SNX2: variants seen among roughly 807,000 people sequenced by gnomAD.
The protein encoded by SNX2 is sorting nexin-2.
A neutral mutation model predicts 69.9 loss-of-function variants in SNX2; 25 were observed. The observed-to-expected ratio is 0.36, with a 90% confidence interval of 0.26 to 0.50. The LOEUF (loss-of-function observed/expected upper bound fraction) is 0.50, where lower values mean the gene tolerates loss of function less well. SNX2 is among the 20% of genes least tolerant of loss of function. The pLI is 0.97. For missense variants in SNX2, 551 were observed against 613.3 expected (o/e 0.90, Z 1.07); for synonymous variants, 229 against 200.4 (o/e 1.14, Z -1.20).
At chr5:122,782,396 G>A (rs937077457) in intron 1 of SNX2, among the ~76,000 whole-genome samples, 2 of 151,398 alleles carry the variant, frequency 1.3e-5, no homozygotes, top group South Asian at 2.1e-4. Flanking sequence ...CTACCCCCAC[G>A]CCCAGCTAAT....
chr5:122,782,120 C>T (rs1480046519), intron 1 of SNX2, among the ~76,000 whole-genome samples: 3 of 152,222 alleles, frequency 2.0e-5, no homozygotes, highest in East Asian at 3.8e-4. Flanking sequence ...TTTAGTGTTA[C>T]CTCATCCCTT....
chr5:122,814,333 C>T (rs1420958492), intron 7 of SNX2, among the ~76,000 whole-genome samples: 1 of 152,190 alleles, frequency 6.6e-6, no homozygotes. Flanking sequence ...GTTCTTGCTG[C>T]ATCCCTTTTT....
intron 9 of SNX2, 116 bp downstream of exon 9, chr5:122,817,144 C>T: frequency 9.0e-7 from 1 of 1,116,066 alleles, no homozygotes; most frequent in Non-Finnish European, 1.3e-6. Flanking sequence ...GTTTAGTTCT[C>T]AGCCACATCA....
chr5:122,814,753 T>TTTTTTTTTGTTTTTTTTG (rs1554063742), intron 7 of SNX2, among the ~76,000 whole-genome samples: 3 of 151,010 alleles, frequency 2.0e-5, no homozygotes, highest in East Asian at 1.9e-4. Flanking sequence ...GATAGCAGGT[T>TTTTTTTTTGTTTTTTTTG]TTTTTTTGTT....
chr5:122,824,238 T>A (rs557706279), intron 11 of SNX2, among the ~76,000 whole-genome samples: 11 of 150,932 alleles, frequency 7.3e-5, no homozygotes, highest in African/African-American at 2.4e-4. Context: ...TAAAAAACAC[T>A]GATGACATTT....
intron 11 of SNX2, among the ~76,000 whole-genome samples, chr5:122,820,270 G>A (rs947731464): frequency 6.6e-6 from 1 of 152,202 alleles, no homozygotes; most frequent in Non-Finnish European, 1.5e-5. Flanking sequence ...GGGCACTGTG[G>A]CTCACGCCTG....
intron 14 of SNX2, among the ~76,000 whole-genome samples, chr5:122,829,232 T>C (rs1224702532): frequency 6.6e-6 from 1 of 151,988 alleles, no homozygotes; most frequent in Non-Finnish European, 1.5e-5. Context: ...TGAGATGGAG[T>C]CTTGCTCTGT....
In SNX2 at chr5:122,826,053, G is replaced by C. The variant is rs1409231685; in HGVS notation, c.1216G>C (p.Val406Leu). ...YIRLIAAVKG[V>L]FDHRMKCWQK... ...GCATTATGTCATTCACTTATAGGGT[G>C]TGTTTGACCATCGAATGAAGTGCTG... Residue 406 changes from valine (V) to leucine (L), a missense_variant, in exon 12 of 15, where the codon GTG becomes CTG. Val to Leu is a conservative substitution (Grantham distance 32, BLOSUM62 1). Around this residue, in one of 2 missense-constraint regions of SNX2, gnomAD observed 360 missense variants for 450.4 expected, o/e 0.80. Coordinates refer to ENST00000379516, the MANE Select transcript of SNX2 (RefSeq NM_003100.4). The C allele has an allele frequency of 6.2e-7, 1 of 1,612,864 alleles. No homozygotes were observed. The highest frequency in any genetic ancestry group is 8.5e-7 in the Non-Finnish European group (1 of 1,179,158).
At chr5:122,826,222 CT>C in intron 12 of SNX2, 29 bp downstream of exon 12, 1 of 1,584,366 alleles carries the variant, frequency 6.3e-7, no homozygotes, top group Non-Finnish European at 8.6e-7. Context: ...AATCTCTTTA[CT>C]TAAGTTTTGC....
At chr5:122,810,451 T>A (rs1037273422) in intron 7 of SNX2, among the ~76,000 whole-genome samples, 1 of 151,194 alleles carries the variant, frequency 6.6e-6, no homozygotes, top group Non-Finnish European at 1.5e-5. Flanking sequence ...TCTGCCTTGA[T>A]TTCGCTTAGT....
intron 1 of SNX2, among the ~76,000 whole-genome samples, chr5:122,780,335 A>G (rs1327515682): frequency 6.6e-6 from 1 of 152,220 alleles, no homozygotes; most frequent in East Asian, 1.9e-4. Context: ...AAATCTGCAC[A>G]AGGTACAGAA....
chr5:122,804,571 A>AGG (rs1753591168), intron 6 of SNX2, among the ~76,000 whole-genome samples: 1 of 151,810 alleles, frequency 6.6e-6, no homozygotes, highest in Non-Finnish European at 1.5e-5. Context: ...GTTTCACCAT[A>AGG]TTGGCCTGTC....
chr5:122,775,006 G>C (rs918947999), upstream of SNX2: 15 of 1,221,112 alleles, frequency 1.2e-5, no homozygotes, highest in Admixed American at 4.1e-4. Context: ...AGGCCGGCCG[G>C]GGGCGGGGAG....
At chr5:122,827,262 T>G (rs1754169974) in intron 12 of SNX2, 117 bp from the exon 13 acceptor site, 1 of 759,884 alleles carries the variant, frequency 1.3e-6, no homozygotes, top group Non-Finnish European at 2.2e-6. Context: ...AATTGTGCAT[T>G]GCCAATATTG....
chr5:122,775,418 G>A, intron 1 of SNX2: 1 of 1,268,906 alleles, frequency 7.9e-7, no homozygotes, highest in Non-Finnish European at 1.0e-6. Context: ...CCTGCGGCCC[G>A]CGGGTGCCGA....
chr5:122,823,779 CGTGTGTGTGTGT>C lies in SNX2; in HGVS notation c.1213-2250_1213-2239del, dbSNP rs10559762. Among the ~76,000 whole-genome samples, 374 of 145,928 alleles carry C rather than the reference CGTGTGTGTGTGT, an allele frequency of 2.6e-3. 3 individuals are homozygous for C. The highest frequency in any genetic ancestry group is 8.4e-3 in the African/African-American group (333 of 39,734). ...TGTCTTAAGCTTTCCAACATGTGGT[CGTGTGTGTGTGT>C]GTGTGTGTGTGTGTGTGTGTATGTG... On this transcript the variant is annotated intron_variant, in intron 11 of 14. Transcript: ENST00000379516.
At position 122,829,988 on chromosome 5, in the gene SNX2, T is replaced by C. The variant is rs966975188; in HGVS notation, c.*340T>C. On this transcript the variant is annotated 3_prime_UTR_variant, in exon 15 of 15. Transcript: ENST00000379516. ...TATTTTTTCTTTACAATATGTTCTG[T>C]AGTATGTTTACCCTCTTTATGAAGT... 1 of 239,458 alleles carries C rather than the reference T, an allele frequency of 4.2e-6. No individual in the cohort carries two copies. The highest frequency in any genetic ancestry group is 8.3e-6 in the Non-Finnish European group (1 of 121,204). 14.8% of individuals were successfully genotyped at this position (239,458 alleles called of 1,614,324 possible).
At chr5:122,810,082 C>A (rs1473996229) in intron 7 of SNX2, among the ~76,000 whole-genome samples, 2 of 150,846 alleles carry the variant, frequency 1.3e-5, no homozygotes, top group Non-Finnish European at 2.9e-5. Context: ...CCTTGGGATC[C>A]TGTCGATCTG....
chr5:122,806,496 G>C (rs1466353464), intron 6 of SNX2, among the ~76,000 whole-genome samples: 2 of 152,102 alleles, frequency 1.3e-5, no homozygotes, highest in Non-Finnish European at 2.9e-5. Context: ...TCTCTACTTT[G>C]GTAGGACCTT....
Sources: gnomAD v4.1 joint callset for allele counts (sites outside exome capture counted in the v4.1 genomes callset) on GRCh38, gnomAD v4.1.1 for gene constraint, gnomAD v4.1.1 regional missense constraint, MANE v1.5 for transcripts, NCBI Gene and HGNC (gene_info 2026-07-23, HGNC 2026-07-21) for gene names.